The following ZIC5 variants were observed in gnomAD, a reference collection of about 807,000 sequenced individuals.
The protein encoded by ZIC5 is Zic family zinc finger 5, also known as zinc finger protein ZIC 5.
ZIC5 carries 20 observed loss-of-function variants against 28.5 expected under a neutral mutation model. That is an observed-to-expected ratio of 0.70 (90% CI 0.49 to 1.02). The LOEUF (loss-of-function observed/expected upper bound fraction) is 1.02. ZIC5 is among the 50% of genes least tolerant of loss of function. ZIC5 has a pLI of 0.00. For missense variants in ZIC5, 951 were observed against 899.7 expected (o/e 1.06, Z -0.73); for synonymous variants, 488 against 410.4 (o/e 1.19, Z -2.29).
chr13:99,971,376 GC>G lies in ZIC5; in HGVS notation c.227del (p.Ser76ThrfsTer231). 6.8e-7 allele frequency: 1 copy of G among 1,477,910 alleles called. No homozygotes were observed. Among genetic ancestry groups the G allele is most frequent in the Non-Finnish European group, 8.9e-7 (1 of 1,125,016 alleles). 91.5% of individuals were successfully genotyped at this position (1,477,910 alleles called of 1,614,324 possible). A position where few individuals can be genotyped will look rare whatever the true frequency, so the allele number is the denominator to read the frequency against. ...PLGPEHMAQA[S>X]TLGLSPPSQA... ...GGGAGGGAGGGCTGAGGCCCAGCGT[GC>G]TCGCCTGGGCCATGTGCTCGGGTCC... On this transcript the variant is annotated frameshift_variant, in exon 1 of 2. Transcript: ENST00000267294. LOFTEE classifies it high-confidence loss of function.
At chr13:99,968,039 G>A (rs987753318) in intron 1 of ZIC5, among the ~76,000 whole-genome samples, 16 of 152,350 alleles carry the variant, frequency 1.1e-4, no homozygotes, top group South Asian at 2.1e-4. Flanking sequence ...CGCGAGTCGG[G>A]CCCGCGGGAC....
chr13:99,968,441 CCG>C (rs1235550830), intron 1 of ZIC5, among the ~76,000 whole-genome samples: 1 of 152,108 alleles, frequency 6.6e-6, no homozygotes, highest in African/African-American at 2.4e-5. Context: ...CGCGCCCCCC[CCG>C]ACCCCACGCA....
rs930544287 is a variant in ZIC5 at position 99,963,618 on chromosome 13, G to A, written c.*1759C>T. On this transcript the variant is annotated 3_prime_UTR_variant, in exon 2 of 2. Transcript: ENST00000267294. ...GGAAGAGTCTTGGTTTTCACATTAC[G>A]TTGTTCATTCAAGTAAGCTTAAAAA... The A allele has an allele frequency of 2.0e-5, 3 of 151,876 alleles. No individual in the cohort carries two copies. The highest frequency in any genetic ancestry group is 4.2e-4 in the South Asian group (2 of 4,788). The allele number at this position is 151,876 out of a possible 1,614,324, so 9.4% of individuals were successfully genotyped here. A position where few individuals can be genotyped will look rare whatever the true frequency, so the allele number is the denominator to read the frequency against.
chr13:99,963,700 C>T lies in ZIC5; in HGVS notation c.*1677G>A, dbSNP rs924738101. The T allele has an allele frequency of 6.8e-6, 1 of 147,326 alleles. No homozygotes were observed. The highest frequency in any genetic ancestry group is 1.5e-5 in the Non-Finnish European group (1 of 67,188). 9.1% of individuals were successfully genotyped at this position (147,326 alleles called of 1,614,324 possible). ...TAAATAAACCATGGATCATAAATGA[C>T]AATCTTTCACCAAAATGTATAATAT... On this transcript the variant is annotated 3_prime_UTR_variant, in exon 2 of 2. Coordinates refer to ENST00000267294, the MANE Select transcript of ZIC5 (RefSeq NM_033132.5).
At chr13:99,970,035 G>A (rs1355655572) in intron 1 of ZIC5, 92 bp downstream of exon 1, 1 of 1,573,978 alleles carries the variant, frequency 6.4e-7, no homozygotes, top group South Asian at 1.1e-5. Context: ...AAATTAAGGC[G>A]AGCAGGAGGA....
chr13:99,967,027 A>G (rs938059878), intron 1 of ZIC5, among the ~76,000 whole-genome samples: 1 of 152,226 alleles, frequency 6.6e-6, no homozygotes, highest in African/African-American at 2.4e-5. Context: ...TGAATTTCTC[A>G]TATTTCAGCA....
rs1351380175 is a variant in ZIC5, at chr13:99,970,778, C to A, written c.826G>T (p.Ala276Ser). 25 of 1,180,698 alleles carry A rather than the reference C, an allele frequency of 2.1e-5. No individual in the cohort carries two copies. Among genetic ancestry groups the A allele is most frequent in the Middle Eastern group, 6.9e-4 (2 of 2,900 alleles). The allele number at this position is 1,180,698 out of a possible 1,614,324, so 73.1% of individuals were successfully genotyped here. A position where few individuals can be genotyped will look rare whatever the true frequency, so the allele number is the denominator to read the frequency against. ...AAAAAELYGR[A>S]EPPFAPRSGD... The stretch of plus-strand genomic sequence containing the variant: ...GAGCGCGGCGCGAAGGGCGGTTCGG[C>A]GCGGCCGTACAGCTCAGCCGCCGCG... Residue 276 changes from alanine to serine, a missense_variant, in exon 1 of 2, where the codon GCC becomes TCC. Ala to Ser is a moderately conservative substitution (Grantham distance 99). Transcript: ENST00000267294.
In ZIC5 at chr13:99,971,705, TG is replaced by T. The variant is rs1443326562; in HGVS notation, c.-103del. 3 of 1,550,626 alleles carry T rather than the reference TG, an allele frequency of 1.9e-6. No individual in the cohort carries two copies. The highest frequency in any genetic ancestry group is 2.7e-5 in the African/African-American group (2 of 72,978). ...GTATTGGGCGCTCTTTAACTTCTTTTGTCCTGGCCTCTTAACTCTGCTTATT... is the reference window on the plus strand; with the variant it reads ...GTATTGGGCGCTCTTTAACTTCTTTTTCCTGGCCTCTTAACTCTGCTTATT... On this transcript the variant is annotated 5_prime_UTR_variant, in exon 1 of 2. Transcript: ENST00000267294.
chr13:99,970,667 C>G lies in ZIC5; in HGVS notation c.937G>C (p.Ala313Pro), dbSNP rs927426122. ...YGAVNLNLNL[A>P]AAAAAAAAGP... ...GCCGCTGCTGCGGCCGCCGCAGCCG[C>G]CAGGTTCAGGTTTAAGTTCACGGCT... The change falls in exon 1 of 2, where the codon GCG (alanine) becomes CCG (proline). Residue 313 changes from alanine to proline, a missense_variant. Ala to Pro is a conservative substitution (Grantham distance 27, BLOSUM62 -1). Around this residue, in one of 3 missense-constraint regions of ZIC5, gnomAD observed 784 missense variants for 660.1 expected, o/e 1.19. Transcript: ENST00000267294. 6 of 1,179,038 alleles carry G rather than the reference C, an allele frequency of 5.1e-6. No homozygotes were observed. In the African/African-American group the frequency reaches 6.7e-5, roughly 13 times the overall value. 73.0% of individuals were successfully genotyped at this position (1,179,038 alleles called of 1,614,324 possible). A position where few individuals can be genotyped will look rare whatever the true frequency, so the allele number is the denominator to read the frequency against.
At position 99,971,005 on chromosome 13, in the gene ZIC5, C is replaced by T; in HGVS notation, c.599G>A (p.Gly200Asp). The change falls in exon 1 of 2, where the codon GGC (glycine) becomes GAC (aspartate). Residue 200 changes from glycine (G) to aspartate (D), a missense_variant. Physicochemically the swap from Gly to Asp is moderately conservative, Grantham distance 94. Coordinates refer to ENST00000267294, the MANE Select transcript of ZIC5 (RefSeq NM_033132.5). ...GAPLGGEQRSGTGSPQHPAPP... is the reference protein window; with the variant it reads ...GAPLGGEQRSDTGSPQHPAPP... Reference sequence around the variant, plus strand: ...GGCCGGGTGCTGGGGGGAGCCGGTGCCGGACCGCTGCTCCCCTCCGAGCGG... The same window carrying T: ...GGCCGGGTGCTGGGGGGAGCCGGTGTCGGACCGCTGCTCCCCTCCGAGCGG... 7.1e-7 allele frequency: 1 copy of T among 1,410,070 alleles called. No individual in the cohort carries two copies. The allele number at this position is 1,410,070 out of a possible 1,614,324, so 87.3% of individuals were successfully genotyped here.
chr13:99,971,510 A>G lies in ZIC5; in HGVS notation c.94T>C (p.Phe32Leu), dbSNP rs1453944862. 4 of 1,551,426 alleles carry G rather than the reference A, an allele frequency of 2.6e-6. No individual in the cohort carries two copies. Among genetic ancestry groups the G allele is most frequent in the African/African-American group, 2.7e-5 (2 of 73,068 alleles). Residue 32 changes from phenylalanine (F) to leucine (L), a missense_variant, in exon 1 of 2, where the codon TTC becomes CTC. By Grantham distance (22) the Phe-to-Leu change is conservative. Coordinates refer to ENST00000267294, the MANE Select transcript of ZIC5 (RefSeq NM_033132.5). ...QVQPLQNMTGFPALAGPPAHS... is the reference protein window; with the variant it reads ...QVQPLQNMTGLPALAGPPAHS... Reference sequence around the variant, plus strand: ...GCGGGCGGGCCGGCCAGCGCCGGGAAGCCTGTCATATTCTGAAGCGGCTGG... The same window carrying G: ...GCGGGCGGGCCGGCCAGCGCCGGGAGGCCTGTCATATTCTGAAGCGGCTGG...
chr13:99,970,012 C>T, intron 1 of ZIC5, 115 bp downstream of exon 1: 1 of 1,499,556 alleles, frequency 6.7e-7, no homozygotes. Context: ...AGAGAAGCAG[C>T]AGAAGGAGAA....
rs1028449780 is a variant in ZIC5, at chr13:99,963,498, G to C, written c.*1879C>G. ...AACAATCTGAAGACAACATTGAAAG[G>C]CTTTCCAAGTGACAGCACCATGCAC... On this transcript the variant is annotated 3_prime_UTR_variant, in exon 2 of 2. Coordinates refer to ENST00000267294, the MANE Select transcript of ZIC5 (RefSeq NM_033132.5). The C allele has an allele frequency of 6.6e-6, 1 of 152,410 alleles. No homozygotes were observed. The highest frequency in any genetic ancestry group is 1.5e-5 in the Non-Finnish European group (1 of 67,980). 9.4% of individuals were successfully genotyped at this position (152,410 alleles called of 1,614,324 possible). A position where few individuals can be genotyped will look rare whatever the true frequency, so the allele number is the denominator to read the frequency against.
Position 99,971,377 on chromosome 13 carries a change from C to T in ZIC5, c.227G>A (p.Ser76Asn). The change falls in exon 1 of 2, where the codon AGC becomes AAC. Residue 76 changes from serine (S) to asparagine (N), a missense_variant. Ser to Asn is a conservative substitution (Grantham distance 46). This residue lies in a region of ZIC5 where 784 missense variants were observed against 660.1 expected (regional missense o/e 1.19). Coordinates refer to ENST00000267294, the MANE Select transcript of ZIC5 (RefSeq NM_033132.5). ...GGAGGGAGGGCTGAGGCCCAGCGTGCTCGCCTGGGCCATGTGCTCGGGTCC... is the reference window on the plus strand; with the variant it reads ...GGAGGGAGGGCTGAGGCCCAGCGTGTTCGCCTGGGCCATGTGCTCGGGTCC... ...PLGPEHMAQA[S>N]TLGLSPPSQA... The T allele has an allele frequency of 1.4e-6, 2 of 1,478,140 alleles. No homozygotes were observed. The highest frequency in any genetic ancestry group is 8.9e-7 in the Non-Finnish European group (1 of 1,125,122). 91.6% of individuals were successfully genotyped at this position (1,478,140 alleles called of 1,614,324 possible). A position where few individuals can be genotyped will look rare whatever the true frequency, so the allele number is the denominator to read the frequency against.
rs750207172 is a variant in ZIC5, at chr13:99,965,357, A to G, written c.*20T>C. The G allele has an allele frequency of 3.1e-6, 5 of 1,593,978 alleles. No homozygotes were observed. In the African/African-American group the frequency reaches 4.1e-5, roughly 13 times the overall value. ...AGGACTCCCACTTATTATTTCACTTATTATTATTAATAATAAATTCTAATG... is the reference window on the plus strand; with the variant it reads ...AGGACTCCCACTTATTATTTCACTTGTTATTATTAATAATAAATTCTAATG... On this transcript the variant is annotated 3_prime_UTR_variant, in exon 2 of 2. Coordinates refer to ENST00000267294, the MANE Select transcript of ZIC5 (RefSeq NM_033132.5).
chr13:99,965,447 T>C lies in ZIC5; in HGVS notation c.1850A>G (p.Asn617Ser). ...ATCTTCAGTCTCAGAGGTGGTTCCG[T>C]TGCTGGAAGGGGTGTGGAGGTGGCT... ...APSHLHTPSSNGTTSETEDEE... is the reference protein window; with the variant it reads ...APSHLHTPSSSGTTSETEDEE... The change falls in exon 2 of 2, where the codon AAC (asparagine) becomes AGC (serine). Residue 617 changes from asparagine (N) to serine (S), a missense_variant. Coordinates refer to ENST00000267294, the MANE Select transcript of ZIC5 (RefSeq NM_033132.5). The C allele has an allele frequency of 1.2e-6, 2 of 1,614,146 alleles. No individual in the cohort carries two copies. Among genetic ancestry groups the C allele is most frequent in the Non-Finnish European group, 1.7e-6 (2 of 1,180,022 alleles).
chr13:99,970,422 C>CGGCGGCGGG lies in ZIC5; in HGVS notation c.1181_1182insCCCGCCGCC (p.Pro398_Pro400dup). ...CGCCGGCCGGGGGCGGTGGCGGCGG[C>CGGCGGCGGG]GGCGGCGGCGGCGGCGGCGGCGGCG... On this transcript the variant is annotated inframe_insertion, in exon 1 of 2. Transcript: ENST00000267294. 1.0e-6 allele frequency: 1 copy of CGGCGGCGGG among 955,076 alleles called. No homozygotes were observed. Among genetic ancestry groups the CGGCGGCGGG allele is most frequent in the Non-Finnish European group, 1.2e-6 (1 of 802,402 alleles). 59.2% of individuals were successfully genotyped at this position (955,076 alleles called of 1,614,324 possible).
Position 99,971,019 on chromosome 13 carries a change from C to A in ZIC5, c.585G>T (p.Gly195=). Residue 195 remains glycine, a synonymous_variant, in exon 1 of 2, where the codon GGG becomes GGT. Transcript: ENST00000267294. ...GGGAGCCGGTGCCGGACCGCTGCTC[C>A]CCTCCGAGCGGGGCCCCGTGCATGG... ...AAAMHGAPLG[G]EQRSGTGSPQ... 7.1e-7 allele frequency: 1 copy of A among 1,415,378 alleles called. No individual in the cohort carries two copies. Among genetic ancestry groups the A allele is most frequent in the Non-Finnish European group, 9.1e-7 (1 of 1,097,632 alleles). 87.7% of individuals were successfully genotyped at this position (1,415,378 alleles called of 1,614,324 possible). A position where few individuals can be genotyped will look rare whatever the true frequency, so the allele number is the denominator to read the frequency against.
At chr13:99,970,085 C>T (rs779326972) in intron 1 of ZIC5, 42 bp downstream of exon 1, 2 of 1,594,018 alleles carry the variant, frequency 1.3e-6, no homozygotes, top group East Asian at 2.3e-5. Flanking sequence ...GGCGCAGGAG[C>T]TGGTGGCGGC....
Sources: gnomAD v4.1 joint callset for allele counts (sites outside exome capture counted in the v4.1 genomes callset) on GRCh38, gnomAD v4.1.1 for gene constraint, gnomAD v4.1.1 regional missense constraint, MANE v1.5 for transcripts, NCBI Gene and HGNC (gene_info 2026-07-23, HGNC 2026-07-21) for gene names.